TSNAX: variants seen among roughly 807,000 people sequenced by gnomAD.
The protein encoded by TSNAX is translin associated factor X, also known as translin-associated protein X.
TSNAX carries 12 observed loss-of-function variants against 33.0 expected under a neutral mutation model. The observed-to-expected ratio is 0.36, with a 90% CI of 0.23 to 0.59. The LOEUF (loss-of-function observed/expected upper bound fraction) is 0.59. Among genes scored for constraint, TSNAX ranks in the 20% least tolerant of loss-of-function variants. TSNAX has a pLI of 0.74. For missense variants in TSNAX, 267 were observed against 341.3 expected (o/e 0.78, Z 1.72); for synonymous variants, 110 against 117.2 (o/e 0.94, Z 0.40).
intron 4 of TSNAX, among the ~76,000 whole-genome samples, chr1:231,545,726 T>G (rs1231940071): frequency 1.3e-5 from 2 of 152,222 alleles, no homozygotes; most frequent in Non-Finnish European, 2.9e-5. Context: ...ATTAATGTTT[T>G]AATTCTTTTA....
At position 231,538,627 on chromosome 1, in the gene TSNAX, G is replaced by T. The variant is rs143341211; in HGVS notation, c.236+1300G>T. On this transcript the variant is annotated intron_variant, in intron 3 of 5. Coordinates refer to ENST00000366639, the MANE Select transcript of TSNAX (RefSeq NM_005999.3). ...CAGATGTCTCCAGAAGGGTAGCTGT[G>T]ATTGGTTTTATACTATATGTCACAG... Among the ~76,000 whole-genome samples the T allele has an allele frequency of 5.3e-5, 8 of 152,310 alleles. No individual in the cohort carries two copies. The East Asian group carries it at 1.5e-3, about 29-fold the overall frequency.
intron 4 of TSNAX, among the ~76,000 whole-genome samples, chr1:231,554,068 T>C (rs1660529470): frequency 1.3e-5 from 2 of 152,196 alleles, no homozygotes; most frequent in Admixed American, 6.5e-5. Context: ...GGACAACTTA[T>C]ATAATGACTA....
chr1:231,553,520 A>T (rs1415631106), intron 4 of TSNAX, among the ~76,000 whole-genome samples: 1 of 152,138 alleles, frequency 6.6e-6, no homozygotes, highest in Non-Finnish European at 1.5e-5. Flanking sequence ...CACCTTGGGG[A>T]TTATTCACTG....
intron 3 of TSNAX, among the ~76,000 whole-genome samples, chr1:231,538,059 G>C (rs1418572808): frequency 6.6e-6 from 1 of 151,990 alleles, no homozygotes; most frequent in Non-Finnish European, 1.5e-5. Flanking sequence ...TTAAGTCTCT[G>C]TTTTCTTATT....
At position 231,533,262 on chromosome 1, in the gene TSNAX, C is replaced by G. The variant is rs150340266; in HGVS notation, c.121+3903C>G. On this transcript the variant is annotated intron_variant, in intron 2 of 5. Coordinates refer to ENST00000366639, the MANE Select transcript of TSNAX (RefSeq NM_005999.3). ...GACAGGCCTGTGCCACCATGCCCGGCTAATTTTTGTATTTTTAGTAGACAT... is the reference window on the plus strand; with the variant it reads ...GACAGGCCTGTGCCACCATGCCCGGGTAATTTTTGTATTTTTAGTAGACAT... Among the ~76,000 whole-genome samples, 193 of 152,232 alleles carry G rather than the reference C, an allele frequency of 1.3e-3. 1 individual carries two copies. The highest frequency in any genetic ancestry group is 4.4e-3 in the African/African-American group (183 of 41,540).
At chr1:231,550,048 CTGTGTGTCCT>C (rs930136548) in intron 4 of TSNAX, among the ~76,000 whole-genome samples, 1 of 152,200 alleles carries the variant, frequency 6.6e-6, no homozygotes, top group African/African-American at 2.4e-5. Context: ...TCTGTTGTCC[CTGTGTGTCCT>C]AATATTTCCT....
At chr1:231,554,485 T>C (rs977858168) in intron 4 of TSNAX, 3 of 152,084 alleles carry the variant, frequency 2.0e-5, no homozygotes, top group Admixed American at 6.6e-5. Context: ...GGGTGCAAAA[T>C]AGGTGATCAG....
In TSNAX at chr1:231,528,831, C is replaced by T. The variant is rs767582796; in HGVS notation, c.16+5C>T. The T allele has an allele frequency of 2.5e-6, 4 of 1,614,152 alleles. No individual in the cohort carries two copies. The South Asian group carries it at 3.3e-5, about 13-fold the overall frequency. ...ACGACATGAGCAACAAAGAAGGTGGCGTCCTTAACAACACGGGGCGTTATT... is the reference window on the plus strand; with the variant it reads ...ACGACATGAGCAACAAAGAAGGTGGTGTCCTTAACAACACGGGGCGTTATT... On this transcript the variant is annotated splice_donor_5th_base_variant and intron_variant, in intron 1 of 5. Transcript: ENST00000366639.
intron 4 of TSNAX, among the ~76,000 whole-genome samples, chr1:231,552,132 A>G (rs1352446854): frequency 1.3e-5 from 2 of 152,128 alleles, no homozygotes; most frequent in African/African-American, 4.8e-5. Flanking sequence ...CCCGTCTACA[A>G]AAGTTAGCTG....
Position 231,565,006 on chromosome 1 carries a change from T to C in TSNAX, c.*101T>C. ...ATTTAACTTTATTGTGGCTTTTACA[T>C]AGAAACATATTCAGTTGTACTTGTT... On this transcript the variant is annotated 3_prime_UTR_variant, in exon 6 of 6. Coordinates refer to ENST00000366639, the MANE Select transcript of TSNAX (RefSeq NM_005999.3). 7 of 1,354,426 alleles carry C rather than the reference T, an allele frequency of 5.2e-6. No homozygotes were observed. In the South Asian group the frequency reaches 7.3e-5, roughly 14 times the overall value. 83.9% of individuals were successfully genotyped at this position (1,354,426 alleles called of 1,614,324 possible).
Position 231,560,615 on chromosome 1 carries a change from G to A in TSNAX, c.368-513G>A, listed in dbSNP as rs572599967. Among the ~76,000 whole-genome samples, 696 of 149,880 alleles carry A rather than the reference G, an allele frequency of 4.6e-3. 3 individuals carry two copies. The highest frequency in any genetic ancestry group is 8.3e-3 in the Non-Finnish European group (562 of 67,366). On this transcript the variant is annotated intron_variant, in intron 4 of 5. Coordinates refer to ENST00000366639, the MANE Select transcript of TSNAX (RefSeq NM_005999.3). Reference sequence around the variant, plus strand: ...GTATTTTTAGTAGAGATGGGGTTTCGCCATGTTGGCCAGGATGGTCTCAAA... The same window carrying A: ...GTATTTTTAGTAGAGATGGGGTTTCACCATGTTGGCCAGGATGGTCTCAAA...
At chr1:231,538,190 C>T (rs186684473) in intron 3 of TSNAX, among the ~76,000 whole-genome samples, 5 of 152,072 alleles carry the variant, frequency 3.3e-5, no homozygotes, top group Non-Finnish European at 7.4e-5. Context: ...TATTTTTCTA[C>T]GCAGGCTTTG....
At chr1:231,546,266 CT>C (rs1232115316) in intron 4 of TSNAX, among the ~76,000 whole-genome samples, 3 of 152,102 alleles carry the variant, frequency 2.0e-5, no homozygotes, top group Non-Finnish European at 4.4e-5. Flanking sequence ...TTTTAAAAGG[CT>C]TTTTGTTGTT....
intron 3 of TSNAX, among the ~76,000 whole-genome samples, chr1:231,538,031 C>T (rs1345110089): frequency 2.0e-5 from 3 of 152,030 alleles, no homozygotes; most frequent in Non-Finnish European, 4.4e-5. Flanking sequence ...TTGAAATGCC[C>T]TTGTTACCTT....
At chr1:231,551,859 G>T (rs921933314) in intron 4 of TSNAX, among the ~76,000 whole-genome samples, 4 of 151,794 alleles carry the variant, frequency 2.6e-5, no homozygotes, top group Admixed American at 2.0e-4. Context: ...AGGCATAGTT[G>T]CTTGCTCCTG....
intron 4 of TSNAX, among the ~76,000 whole-genome samples, chr1:231,555,570 T>C (rs1483160041): frequency 3.9e-5 from 6 of 152,248 alleles, no homozygotes; most frequent in Non-Finnish European, 8.8e-5. Context: ...GTAAATGTTA[T>C]GTTTGTTTTA....
chr1:231,546,914 G>A (rs944041281), intron 4 of TSNAX, among the ~76,000 whole-genome samples: 1 of 152,174 alleles, frequency 6.6e-6, no homozygotes, highest in Non-Finnish European at 1.5e-5. Flanking sequence ...TTATGCACCA[G>A]CCCTGGAAGT....
chr1:231,547,378 CT>C (rs1036404786), intron 4 of TSNAX, among the ~76,000 whole-genome samples: 23 of 116,614 alleles, frequency 2.0e-4, no homozygotes, highest in Middle Eastern at 5.2e-3. Context: ...AAGGCTTTTT[CT>C]TTTTTTTTTC....
Position 231,565,013 on chromosome 1 carries a change from A to C in TSNAX, c.*108A>C. On this transcript the variant is annotated 3_prime_UTR_variant, in exon 6 of 6. Coordinates refer to ENST00000366639, the MANE Select transcript of TSNAX (RefSeq NM_005999.3). ...TTTATTGTGGCTTTTACATAGAAAC[A>C]TATTCAGTTGTACTTGTTTTAAATT... is the stretch of plus-strand genomic sequence containing the variant. 1.5e-6 allele frequency: 2 copies of C among 1,317,626 alleles called. No individual in the cohort carries two copies. The highest frequency in any genetic ancestry group is 3.0e-5 in the South Asian group (2 of 67,288). The allele number at this position is 1,317,626 out of a possible 1,614,324, so 81.6% of individuals were successfully genotyped here. A position where few individuals can be genotyped will look rare whatever the true frequency, so the allele number is the denominator to read the frequency against.
Sources: allele counts gnomAD v4.1 joint callset (sites outside exome capture counted in the v4.1 genomes callset), GRCh38; gene constraint gnomAD v4.1.1; transcripts MANE v1.5; gene names NCBI Gene and HGNC (gene_info 2026-07-23, HGNC 2026-07-21).